MEIS2: variants seen among roughly 807,000 people sequenced by gnomAD.
MEIS2 encodes Meis homeobox 2.
A neutral mutation model predicts 58.6 loss-of-function variants in MEIS2; 9 were observed. The ratio of observed to expected loss-of-function variants is 0.15; its 90% CI spans 0.09 to 0.27. The LOEUF is 0.27. MEIS2 is among the 10% of genes least tolerant of loss of function. MEIS2 has a pLI of 1.00. For synonymous variants in MEIS2, 221 were observed against 228.4 expected (o/e 0.97, Z 0.29); for missense variants, 427 against 635.0 (o/e 0.67, Z 3.52).
intron 9 of MEIS2, among the ~76,000 whole-genome samples, chr15:36,904,624 G>A (rs2056635972): frequency 7.9e-6 from 1 of 127,276 alleles, no homozygotes; most frequent in Non-Finnish European, 1.6e-5. Context: ...GAGATAAAAG[G>A]ATTACATTTT....
chr15:37,040,626 C>T (rs1011370744), intron 7 of MEIS2, among the ~76,000 whole-genome samples: 1 of 152,162 alleles, frequency 6.6e-6, no homozygotes, highest in African/African-American at 2.4e-5. Flanking sequence ...TAAAGAAATA[C>T]TGGGCATGCT....
At chr15:36,895,657 T>A (rs1189229553) in intron 10 of MEIS2, among the ~76,000 whole-genome samples, 1 of 152,230 alleles carries the variant, frequency 6.6e-6, no homozygotes, top group East Asian at 1.9e-4. Context: ...TACACAAACA[T>A]TTTAAACCTG....
chr15:37,090,618 C>A (rs1893396813), intron 6 of MEIS2, among the ~76,000 whole-genome samples: 2 of 152,002 alleles, frequency 1.3e-5, no homozygotes, highest in Admixed American at 1.3e-4. Flanking sequence ...TGATGCATTT[C>A]TCTCTGCTTT....
chr15:36,973,629 T>A (rs1292086931), intron 8 of MEIS2, among the ~76,000 whole-genome samples: 1 of 152,178 alleles, frequency 6.6e-6, no homozygotes, highest in Non-Finnish European at 1.5e-5. Context: ...AAAATACAAG[T>A]TGTAATTAGA....
chr15:36,892,535 G>GAAAAAAA (rs1271676407), intron 11 of MEIS2, 76 bp from the exon 12 acceptor site: 54 of 513,652 alleles, frequency 1.1e-4, no homozygotes, highest in Admixed American at 2.0e-4. Flanking sequence ...AAGATGAAAA[G>GAAAAAAA]AAAAAAAAAA....
chr15:36,953,023 G>A (rs1455943466), intron 8 of MEIS2, among the ~76,000 whole-genome samples: 1 of 151,792 alleles, frequency 6.6e-6, no homozygotes, highest in Non-Finnish European at 1.5e-5. Context: ...TTTAAATAAT[G>A]GTCTGTGGTT....
intron 8 of MEIS2, among the ~76,000 whole-genome samples, chr15:37,020,271 G>A (rs1305310473): frequency 3.3e-5 from 5 of 152,028 alleles, no homozygotes; most frequent in Admixed American, 6.6e-5. Flanking sequence ...AATGAGTCTC[G>A]TCTGCTGACC....
At chr15:36,969,113 A>G (rs2059450288) in intron 8 of MEIS2, among the ~76,000 whole-genome samples, 1 of 152,226 alleles carries the variant, frequency 6.6e-6, no homozygotes, top group South Asian at 2.1e-4. Flanking sequence ...TTCATCAGCC[A>G]CAACCTTCCT....
intron 9 of MEIS2, among the ~76,000 whole-genome samples, chr15:36,922,354 T>G (rs1025028349): frequency 1.2e-4 from 18 of 152,320 alleles, no homozygotes; most frequent in Non-Finnish European, 2.2e-4. Context: ...TGTAAAGGGC[T>G]ATAAAATATA....
chr15:36,974,689 T>TGGCATGAGGAACCAGCC (rs1489402653), intron 8 of MEIS2, among the ~76,000 whole-genome samples: 1 of 152,180 alleles, frequency 6.6e-6, no homozygotes, highest in Non-Finnish European at 1.5e-5. Context: ...CAGATGGATA[T>TGGCATGAGGAACCAGCC]GGCATGAGGA....
intron 8 of MEIS2, among the ~76,000 whole-genome samples, chr15:37,004,474 T>C (rs2060845021): frequency 6.6e-6 from 1 of 152,200 alleles, no homozygotes; most frequent in African/African-American, 2.4e-5. Flanking sequence ...TAATCTTCTA[T>C]GATGTCAGGA....
chr15:37,039,128 G>A (rs1217331612), intron 7 of MEIS2, among the ~76,000 whole-genome samples: 1 of 152,074 alleles, frequency 6.6e-6, no homozygotes, highest in Non-Finnish European at 1.5e-5. Flanking sequence ...ACCCGGAGAT[G>A]AGGAAAAAAA....
intron 8 of MEIS2, among the ~76,000 whole-genome samples, chr15:36,968,811 G>A (rs548464458): frequency 2.0e-5 from 3 of 152,228 alleles, no homozygotes; most frequent in South Asian, 4.2e-4. Flanking sequence ...AGAAACTGGG[G>A]GGTAAAGAGT....
At chr15:36,952,268 G>T (rs1366602130) in intron 8 of MEIS2, among the ~76,000 whole-genome samples, 1 of 152,070 alleles carries the variant, frequency 6.6e-6, no homozygotes, top group East Asian at 1.9e-4. Flanking sequence ...CAAAAAAAAT[G>T]TAAAAATCCT....
intron 9 of MEIS2, among the ~76,000 whole-genome samples, chr15:36,937,023 C>G (rs56243803): frequency 0.19 from 29,534 of 152,116 alleles, 3,215 homozygotes; most frequent in Non-Finnish European, 0.23. Context: ...TCAACACAAA[C>G]GGTGAACAAG....
At position 36,892,025 on chromosome 15, in the gene MEIS2, G is replaced by T. The variant is rs2055884793; in HGVS notation, c.*148C>A. 3 of 810,582 alleles carry T rather than the reference G, an allele frequency of 3.7e-6. No individual in the cohort carries two copies. The highest frequency in any genetic ancestry group is 6.1e-6 in the Non-Finnish European group (3 of 493,814). 50.2% of individuals were successfully genotyped at this position (810,582 alleles called of 1,614,324 possible). The stretch of plus-strand genomic sequence containing the variant: ...TCACATTTGTGTTCTTGTTGCATTG[G>T]TCCTCTGTTGCTTGATGAAAAATGA... On this transcript the variant is annotated 3_prime_UTR_variant, in exon 12 of 12. Transcript: ENST00000561208.
chr15:36,919,608 T>C (rs1052895892), intron 9 of MEIS2, among the ~76,000 whole-genome samples: 1 of 151,924 alleles, frequency 6.6e-6, no homozygotes, highest in Non-Finnish European at 1.5e-5. Flanking sequence ...GAAACAGTAA[T>C]TTAAAAAATC....
intron 8 of MEIS2, among the ~76,000 whole-genome samples, chr15:37,001,326 T>C (rs77186916): frequency 0.041 from 6,307 of 152,226 alleles, 442 homozygotes; most frequent in African/African-American, 0.15. Context: ...AGCTACTACC[T>C]TGGACCCTTG....
chr15:36,892,317 T>C lies in MEIS2; in HGVS notation c.1290A>G (p.Pro430=). ...TCATGGCTGGGTGGTGGGGATGGCT[T>C]GGCAAATATGAATGCATTGGGGGTC... ...RHGPPMHSYL[P]SHPHHPAMMM... The change falls in exon 12 of 12, where the codon CCA becomes CCG. Residue 430 remains proline, a synonymous_variant. Coordinates refer to ENST00000561208, the MANE Select transcript of MEIS2 (RefSeq NM_170675.5). 1.9e-6 allele frequency: 3 copies of C among 1,613,740 alleles called. No homozygotes were observed. Among genetic ancestry groups the C allele is most frequent in the South Asian group, 1.1e-5 (1 of 91,016 alleles).
Sources: allele counts gnomAD v4.1 joint callset (sites outside exome capture counted in the v4.1 genomes callset), GRCh38; gene constraint gnomAD v4.1.1; transcripts MANE v1.5; gene names NCBI Gene and HGNC (gene_info 2026-07-23, HGNC 2026-07-21).